Variants in VPS13A observed in about 807,000 individuals in gnomAD.
The protein encoded by VPS13A is vacuolar protein sorting 13 homolog A.
In VPS13A, 264 loss-of-function variants were observed where a neutral mutation model predicts 390.9. The ratio of observed to expected loss-of-function variants is 0.68; its 90% CI spans 0.61 to 0.75. The LOEUF (loss-of-function observed/expected upper bound fraction) is 0.75. VPS13A is among the 30% of genes least tolerant of loss of function. The pLI is 0.00. For synonymous variants in VPS13A, 1,231 were observed against 1,227.1 expected (o/e 1.00, Z -0.07); for missense variants, 3,409 against 3,733.9 (o/e 0.91, Z 2.27).
At chr9:77,256,733 A>G (rs761157504) in intron 22 of VPS13A, among the ~76,000 whole-genome samples, 1 of 152,052 alleles carries the variant, frequency 6.6e-6, no homozygotes, top group African/African-American at 2.4e-5. Flanking sequence ...TTTCATTATC[A>G]TTATGTAATG....
intron 3 of VPS13A, among the ~76,000 whole-genome samples, chr9:77,202,666 A>T (rs1307650969): frequency 6.6e-6 from 1 of 152,192 alleles, no homozygotes; most frequent in Non-Finnish European, 1.5e-5. Context: ...ATTTAACCTC[A>T]ATTCAAGAAC....
At chr9:77,406,279 A>G (rs1469527133) in intron 70 of VPS13A, among the ~76,000 whole-genome samples, 1 of 152,228 alleles carries the variant, frequency 6.6e-6, no homozygotes, top group Non-Finnish European at 1.5e-5. Context: ...GATAGTGGCT[A>G]TTAGCCTGTG....
chr9:77,254,275 C>T (rs533378935), intron 22 of VPS13A, among the ~76,000 whole-genome samples: 1 of 152,192 alleles, frequency 6.6e-6, no homozygotes, highest in Admixed American at 6.5e-5. Context: ...CTCATTTCCT[C>T]TATACAATTT....
At position 77,303,067 on chromosome 9, in the gene VPS13A, C is replaced by CT. The variant is rs1308148897; in HGVS notation, c.3960+12dup. On this transcript the variant is annotated splice_donor_region_variant and intron_variant, in intron 34 of 71. Coordinates refer to ENST00000360280, the MANE Select transcript of VPS13A (RefSeq NM_033305.3). ...GCTCAGCTGAAACCAATGGAGGTAA[C>CT]TTTTTTTGGATACTTATCAATTTTT... 4 of 1,613,668 alleles carry CT rather than the reference C, an allele frequency of 2.5e-6. No homozygotes were observed. The African/African-American group carries it at 4.0e-5, about 16-fold the overall frequency.
At chr9:77,306,401 A>AGAGAGTGT (rs550279922) in intron 34 of VPS13A, among the ~76,000 whole-genome samples, 1 of 107,696 alleles carries the variant, frequency 9.3e-6, no homozygotes, top group African/African-American at 3.5e-5. Flanking sequence ...AGAGAGAGAG[A>AGAGAGTGT]GTGTGTGTGT....
intron 22 of VPS13A, among the ~76,000 whole-genome samples, chr9:77,255,377 T>G (rs1052954981): frequency 6.6e-6 from 1 of 152,162 alleles, no homozygotes; most frequent in Admixed American, 6.5e-5. Flanking sequence ...ATTCCAGGAA[T>G]AAATCCTCTT....
At chr9:77,331,473 A>G (rs1477697181) in intron 45 of VPS13A, among the ~76,000 whole-genome samples, 1 of 152,014 alleles carries the variant, frequency 6.6e-6, no homozygotes, top group Non-Finnish European at 1.5e-5. Context: ...AATGTCAAGT[A>G]TCTTTTCATC....
At position 77,339,548 on chromosome 9, in the gene VPS13A, A is replaced by T; in HGVS notation, c.6411A>T (p.Glu2137Asp). The change falls in exon 48 of 72, where the codon GAA becomes GAT. Residue 2137 changes from glutamate (E) to aspartate (D), a missense_variant. Physicochemically the swap from Glu to Asp is conservative, Grantham distance 45. Transcript: ENST00000360280. ...AAAATTCGGTTTTTACTCTAAGTGA[A>T]GGACATTCAGCCCAGATTTGTACTG... ...GIENSVFTLSEGHSAQICTAQ... is the reference protein window; with the variant it reads ...GIENSVFTLSDGHSAQICTAQ... 2 of 1,569,118 alleles carry T rather than the reference A, an allele frequency of 1.3e-6. No homozygotes were observed. The highest frequency in any genetic ancestry group is 1.7e-6 in the Non-Finnish European group (2 of 1,156,034).
intron 32 of VPS13A, among the ~76,000 whole-genome samples, chr9:77,293,788 C>T (rs978270383): frequency 6.6e-6 from 1 of 151,764 alleles, no homozygotes; most frequent in Admixed American, 6.6e-5. Context: ...TAATTAGAAC[C>T]TTCGTTTTAT....
chr9:77,239,341 C>A (rs1824333118), intron 19 of VPS13A, among the ~76,000 whole-genome samples: 1 of 151,644 alleles, frequency 6.6e-6, no homozygotes, highest in African/African-American at 2.4e-5. Context: ...CCAGGTTTCA[C>A]CAGCCTGGCG....
At chr9:77,367,410 G>T (rs995462666) in intron 61 of VPS13A, among the ~76,000 whole-genome samples, 21 of 152,192 alleles carry the variant, frequency 1.4e-4, no homozygotes, top group Admixed American at 5.9e-4. Context: ...GTAGCATCTA[G>T]AATTGATTAT....
At chr9:77,301,000 A>G (rs769429832) in intron 33 of VPS13A, among the ~76,000 whole-genome samples, 17 of 152,252 alleles carry the variant, frequency 1.1e-4, no homozygotes, top group Non-Finnish European at 2.4e-4. Context: ...TTAAAATGCA[A>G]TATATTAAAT....
chr9:77,337,284 A>G lies in VPS13A; in HGVS notation c.6125A>G (p.Glu2042Gly), dbSNP rs1302918936. 1 of 1,612,772 alleles carries G rather than the reference A, an allele frequency of 6.2e-7. No individual in the cohort carries two copies. The highest frequency in any genetic ancestry group is 8.5e-7 in the Non-Finnish European group (1 of 1,179,718). The change falls in exon 47 of 72, where the codon GAG (glutamate) becomes GGG (glycine). Residue 2042 changes from glutamate (E) to glycine (G), a missense_variant. By Grantham distance (98) the Glu-to-Gly change is moderately conservative. Coordinates refer to ENST00000360280, the MANE Select transcript of VPS13A (RefSeq NM_033305.3). ...RSFIFLKPED[E>G]NYQMCEGIDF... ...TTCATTTTTCTGAAGCCAGAAGATG[A>G]GAACTATCAAATGTGTGAAGGAATT...
chr9:77,216,157 G>A (rs929674337), intron 10 of VPS13A, among the ~76,000 whole-genome samples: 7 of 151,876 alleles, frequency 4.6e-5, no homozygotes, highest in African/African-American at 1.5e-4. Context: ...TTAACATTAC[G>A]CCAGCTGGAA....
At chr9:77,315,610 T>A in intron 38 of VPS13A, 140 bp downstream of exon 38, 1 of 869,832 alleles carries the variant, frequency 1.1e-6, no homozygotes, top group Non-Finnish European at 1.8e-6. Flanking sequence ...AGGAAAACCT[T>A]AATGTGTTTT....
chr9:77,379,555 G>A (rs970806588), intron 67 of VPS13A, among the ~76,000 whole-genome samples: 4 of 151,546 alleles, frequency 2.6e-5, no homozygotes, highest in Non-Finnish European at 5.9e-5. Flanking sequence ...TGTATTTTTA[G>A]TAGAGATGGG....
chr9:77,183,242 C>T (rs1824130264), intron 1 of VPS13A, among the ~76,000 whole-genome samples: 1 of 152,210 alleles, frequency 6.6e-6, no homozygotes, highest in East Asian at 1.9e-4. Context: ...CAGTAAAATA[C>T]ACGTTAAAGT....
At chr9:77,285,665 G>C (rs1195342016) in intron 31 of VPS13A, among the ~76,000 whole-genome samples, 1 of 152,034 alleles carries the variant, frequency 6.6e-6, no homozygotes, top group Non-Finnish European at 1.5e-5. Flanking sequence ...CTTTCTTCCT[G>C]TTTTCTGAAA....
At position 77,213,231 on chromosome 9, in the gene VPS13A, C is replaced by T; in HGVS notation, c.616-3C>T. The T allele has an allele frequency of 6.2e-7, 1 of 1,612,684 alleles. No individual in the cohort carries two copies. The highest frequency in any genetic ancestry group is 1.3e-5 in the African/African-American group (1 of 75,006). ...TGAGACATCTAATAAATTTTATTTTCAGTTAATCCGATTGGATAACCTGTT... is the reference window on the plus strand; with the variant it reads ...TGAGACATCTAATAAATTTTATTTTTAGTTAATCCGATTGGATAACCTGTT... On this transcript the variant is annotated splice_polypyrimidine_tract_variant and splice_region_variant and intron_variant, in intron 8 of 71. Transcript: ENST00000360280.
Sources: gnomAD v4.1 joint callset for allele counts (sites outside exome capture counted in the v4.1 genomes callset) on GRCh38, gnomAD v4.1.1 for gene constraint, MANE v1.5 for transcripts, NCBI Gene and HGNC (gene_info 2026-07-23, HGNC 2026-07-21) for gene names.